The following GPHN variants were observed in gnomAD, a reference collection of about 807,000 sequenced individuals.
The protein encoded by GPHN is gephyrin.
In GPHN, 17 loss-of-function variants were observed where a neutral mutation model predicts 95.5. That is an observed-to-expected ratio of 0.18 (90% CI 0.12 to 0.27). The LOEUF (loss-of-function observed/expected upper bound fraction) is 0.27. Ranked by LOEUF, GPHN falls within the 10% of genes least tolerant of loss-of-function variation. The pLI, the probability that GPHN is intolerant of heterozygous loss-of-function variation, is 1.00. For synonymous variants in GPHN, 320 were observed against 322.5 expected (o/e 0.99, Z 0.08); for missense variants, 660 against 978.1 (o/e 0.67, Z 4.34).
chr14:67,191,434 A>G, the GPHN span, among the ~76,000 whole-genome samples: 3 of 152,230 alleles, frequency 2.0e-5, no homozygotes. Flanking sequence ...GCATGTACAG[A>G]CATCCCTCTG....
intron 10 of GPHN, among the ~76,000 whole-genome samples, chr14:67,052,217 TCATGTG>T (rs917985466): frequency 6.6e-6 from 1 of 152,008 alleles, no homozygotes; most frequent in African/African-American, 2.4e-5. Flanking sequence ...GAGACCCATC[TCATGTG>T]CAAAGACACA....
the GPHN span, among the ~76,000 whole-genome samples, chr14:67,266,113 C>G: frequency 6.6e-6 from 1 of 151,794 alleles, no homozygotes; most frequent in East Asian, 1.9e-4. Flanking sequence ...GGTGTAAAAA[C>G]TTCTTTTATA....
chr14:67,579,865 G>A, the GPHN span: 7 of 1,601,184 alleles, frequency 4.4e-6, no homozygotes, highest in Middle Eastern at 3.3e-4. Flanking sequence ...CTGCCTGCAG[G>A]GAAGTGTCAA....
At chr14:66,825,117 T>C (rs2061344043) in intron 4 of GPHN, among the ~76,000 whole-genome samples, 1 of 152,174 alleles carries the variant, frequency 6.6e-6, no homozygotes, top group Non-Finnish European at 1.5e-5. Flanking sequence ...CATCTTCAAC[T>C]ATTTTATATA....
At chr14:66,680,187 C>A (rs2066859512) in intron 1 of GPHN, among the ~76,000 whole-genome samples, 1 of 152,130 alleles carries the variant, frequency 6.6e-6, no homozygotes, top group Admixed American at 6.6e-5. Flanking sequence ...TGTCTGGTGA[C>A]TTTGTATTTA....
chr14:66,633,652 G>T (rs8014806), intron 1 of GPHN, among the ~76,000 whole-genome samples: 47,752 of 151,948 alleles, frequency 0.31, 11,515 homozygotes, highest in African/African-American at 0.65. Context: ...CAGTGAATAT[G>T]CCTGTACATA....
intron 11 of GPHN, among the ~76,000 whole-genome samples, chr14:67,087,572 C>G (rs1268817180): frequency 1.3e-5 from 2 of 152,264 alleles, no homozygotes; most frequent in South Asian, 4.1e-4. Flanking sequence ...GCTAAGTTCT[C>G]CCTTCCAATT....
chr14:67,271,010 C>T, the GPHN span: 3 of 152,088 alleles, frequency 2.0e-5, no homozygotes, highest in African/African-American at 7.2e-5. Context: ...CATGCAGGTG[C>T]GTAGTAAAAG....
chr14:67,596,295 ATTTTTTTTTT>A, the GPHN span, among the ~76,000 whole-genome samples: 4 of 60,228 alleles, frequency 6.6e-5, no homozygotes, highest in South Asian at 1.7e-3. Context: ...CGCCCAGCTA[ATTTTTTTTTT>A]TTTTTTTTTT....
chr14:67,301,835 A>T, the GPHN span: 2 of 1,012,680 alleles, frequency 2.0e-6, no homozygotes, highest in Non-Finnish European at 2.7e-6. Context: ...TACTTAACAC[A>T]TCTTTATTAT....
chr14:67,150,147 A>G lies in GPHN; in HGVS notation c.1836+6698A>G, dbSNP rs2081164939. On this transcript the variant is annotated intron_variant, in intron 18 of 22. Transcript: ENST00000478722. ...CATACTATAAAACATAATAACTATT[A>G]ACATTGTAAGGTTGGCCGGGCGCGG... is the stretch of plus-strand genomic sequence containing the variant. 2.0e-5 allele frequency among the ~76,000 whole-genome samples: 3 copies of G among 152,150 alleles called. No homozygotes were observed. The South Asian group carries it at 6.2e-4, about 32-fold the overall frequency.
At chr14:66,844,582 A>G (rs952753849) in intron 4 of GPHN, among the ~76,000 whole-genome samples, 7 of 152,174 alleles carry the variant, frequency 4.6e-5, no homozygotes, top group Admixed American at 2.0e-4. Flanking sequence ...AAAAATCTAA[A>G]GAGGTGATAG....
At chr14:66,604,825 G>C (rs1028466728) in intron 1 of GPHN, among the ~76,000 whole-genome samples, 6 of 151,978 alleles carry the variant, frequency 3.9e-5, no homozygotes, top group Non-Finnish European at 5.9e-5. Flanking sequence ...ATATCTGATA[G>C]GTAGTTTTTC....
At chr14:66,974,971 A>C (rs2070115729) in intron 9 of GPHN, among the ~76,000 whole-genome samples, 1 of 152,172 alleles carries the variant, frequency 6.6e-6, no homozygotes, top group Non-Finnish European at 1.5e-5. Flanking sequence ...TTTAAGTTAA[A>C]AATGTATATA....
chr14:66,670,102 G>A (rs565840200), intron 1 of GPHN, among the ~76,000 whole-genome samples: 10 of 152,264 alleles, frequency 6.6e-5, no homozygotes, highest in South Asian at 6.2e-4. Flanking sequence ...TCATCTGAGA[G>A]TAGTCCCTCT....
chr14:67,316,644 CAG>C, the GPHN span, among the ~76,000 whole-genome samples: 1 of 151,918 alleles, frequency 6.6e-6, no homozygotes, highest in Non-Finnish European at 1.5e-5. Flanking sequence ...ATTGATTGAG[CAG>C]AGTTAATATT....
At chr14:66,996,104 A>G in intron 9 of GPHN, 1 of 1,022,848 alleles carries the variant, frequency 9.8e-7, no homozygotes, top group Admixed American at 2.0e-5. Flanking sequence ...GGAGCCATCT[A>G]AACCCTCTGT....
the GPHN span, among the ~76,000 whole-genome samples, chr14:67,254,665 C>A: frequency 6.6e-6 from 1 of 152,110 alleles, no homozygotes; most frequent in African/African-American, 2.4e-5. Context: ...CTTATTAGTT[C>A]TGATAACTCT....
In GPHN at chr14:66,959,879, G is replaced by T. The variant is rs192088966; in HGVS notation, c.829-5312G>T. Among the ~76,000 whole-genome samples the T allele has an allele frequency of 1.1e-4, 16 of 151,828 alleles. 1 individual carries two copies. The highest frequency in any genetic ancestry group is 9.9e-4 in the Admixed American group (15 of 15,222). On this transcript the variant is annotated intron_variant, in intron 8 of 22. Coordinates refer to ENST00000478722, the MANE Select transcript of GPHN (RefSeq NM_020806.5). ...TAATCATATCTCAGTGTGTTTGATG[G>T]TATTCCACAGGTTGCTTAAGCCATG...
Sources: gnomAD v4.1 joint callset for allele counts (sites outside exome capture counted in the v4.1 genomes callset) on GRCh38, gnomAD v4.1.1 for gene constraint, MANE v1.5 for transcripts, NCBI Gene and HGNC (gene_info 2026-07-23, HGNC 2026-07-21) for gene names.